The following FLVCR2 variants were observed in gnomAD, a reference collection of about 807,000 sequenced individuals.
FLVCR2 encodes FLVCR choline and putative heme transporter 2.
Under a neutral mutation model 48.9 loss-of-function variants are expected in FLVCR2, and 38 were observed. The observed-to-expected ratio is 0.78, with a 90% CI of 0.60 to 1.02. The LOEUF is 1.02. Among genes scored for constraint, FLVCR2 ranks in the 50% least tolerant of loss-of-function variants. The pLI, the probability that FLVCR2 is intolerant of heterozygous loss-of-function variation, is 0.00. For synonymous variants in FLVCR2, 255 were observed against 257.0 expected, an observed-to-expected ratio of 0.99 and a Z score of 0.07; for missense variants, 664 against 663.3, an observed-to-expected ratio of 1.00 and a Z score of -0.01.
intron 1 of FLVCR2, among the ~76,000 whole-genome samples, chr14:75,588,523 C>T (rs1216260001): frequency 2.6e-5 from 4 of 152,198 alleles, no homozygotes; most frequent in Non-Finnish European, 5.9e-5. Context: ...ATTCTAGCCA[C>T]CCAGGCTGGA....
chr14:75,619,358 C>A (rs1889703461), intron 1 of FLVCR2, among the ~76,000 whole-genome samples: 1 of 152,062 alleles, frequency 6.6e-6, no homozygotes, highest in Admixed American at 6.6e-5. Context: ...CTTACTTTCC[C>A]ATACACATTT....
At chr14:75,637,035 A>G (rs181091476) in intron 5 of FLVCR2, among the ~76,000 whole-genome samples, 2 of 152,336 alleles carry the variant, frequency 1.3e-5, no homozygotes, top group East Asian at 3.9e-4. Context: ...GCTTTGAAGC[A>G]CCAGGTGGGA....
At chr14:75,645,328 CTG>C (rs1390332295) in intron 9 of FLVCR2, among the ~76,000 whole-genome samples, 1 of 152,140 alleles carries the variant, frequency 6.6e-6, no homozygotes, top group Non-Finnish European at 1.5e-5. Flanking sequence ...GTAGTGTTGG[CTG>C]TGTGGTGCTG....
At chr14:75,636,804 A>G (rs765588077) in intron 5 of FLVCR2, among the ~76,000 whole-genome samples, 1 of 151,994 alleles carries the variant, frequency 6.6e-6, no homozygotes, top group Non-Finnish European at 1.5e-5. Flanking sequence ...GAGGTTGGAA[A>G]TTGGGTGGTG....
At chr14:75,593,555 A>G (rs1888938242) in intron 1 of FLVCR2, among the ~76,000 whole-genome samples, 1 of 152,212 alleles carries the variant, frequency 6.6e-6, no homozygotes, top group African/African-American at 2.4e-5. Flanking sequence ...GAGAGTGAGA[A>G]TCTGCTTCCA....
chr14:75,629,223 C>A (rs754835930), intron 3 of FLVCR2, among the ~76,000 whole-genome samples: 3 of 152,146 alleles, frequency 2.0e-5, no homozygotes, highest in Non-Finnish European at 4.4e-5. Flanking sequence ...AGATAAACAA[C>A]AAATACTTTT....
intron 1 of FLVCR2, among the ~76,000 whole-genome samples, chr14:75,586,813 A>G (rs1004814527): frequency 2.0e-5 from 3 of 152,044 alleles, no homozygotes; most frequent in African/African-American, 7.2e-5. Flanking sequence ...GCATTTATCT[A>G]GTTTTTGCAA....
chr14:75,624,365 GA>G (rs749179999), intron 2 of FLVCR2, among the ~76,000 whole-genome samples: 2,439 of 136,008 alleles, frequency 0.018, 29 homozygotes, highest in African/African-American at 0.04. Context: ...AAAAAATAAA[GA>G]AAAAAAAAAA....
intron 5 of FLVCR2, among the ~76,000 whole-genome samples, chr14:75,638,585 G>A (rs956978361): frequency 6.6e-6 from 1 of 152,172 alleles, no homozygotes; most frequent in African/African-American, 2.4e-5. Flanking sequence ...AAGCAGAATT[G>A]GACAGCTTCT....
intron 1 of FLVCR2, among the ~76,000 whole-genome samples, chr14:75,606,596 G>C (rs1296267725): frequency 6.6e-6 from 1 of 152,194 alleles, no homozygotes; most frequent in East Asian, 1.9e-4. Flanking sequence ...CTTCCTCAGA[G>C]TGGTGGAGAT....
intron 1 of FLVCR2, among the ~76,000 whole-genome samples, chr14:75,609,114 T>G (rs1430939648): frequency 6.6e-6 from 1 of 152,182 alleles, no homozygotes; most frequent in African/African-American, 2.4e-5. Flanking sequence ...TTTTATTTAT[T>G]GAACAAATAT....
chr14:75,641,745 G>T, intron 8 of FLVCR2, 98 bp from the exon 9 acceptor site: 1 of 1,117,208 alleles, frequency 9.0e-7, no homozygotes, highest in Non-Finnish European at 1.4e-6. Flanking sequence ...AAGTAAGTTT[G>T]GGATACCTGT....
At chr14:75,583,447 T>C (rs1352364855) in intron 1 of FLVCR2, among the ~76,000 whole-genome samples, 1 of 152,096 alleles carries the variant, frequency 6.6e-6, no homozygotes, top group African/African-American at 2.4e-5. Context: ...TAAGAGTGAT[T>C]AGATTTTAAT....
intron 2 of FLVCR2, among the ~76,000 whole-genome samples, 191 bp downstream of exon 2, chr14:75,622,411 A>G (rs2140037810): frequency 6.6e-6 from 1 of 152,320 alleles, no homozygotes; most frequent in South Asian, 2.1e-4. Context: ...AGCTGGTCCT[A>G]TGCACTTTGT....
intron 1 of FLVCR2, among the ~76,000 whole-genome samples, chr14:75,595,158 A>G (rs1047560727): frequency 6.6e-6 from 1 of 152,202 alleles, no homozygotes; most frequent in Non-Finnish European, 1.5e-5. Flanking sequence ...TATCCAAAAT[A>G]TTATTTCAAC....
chr14:75,588,576 G>A (rs565622296), intron 1 of FLVCR2, among the ~76,000 whole-genome samples: 6 of 152,266 alleles, frequency 3.9e-5, no homozygotes, highest in Admixed American at 3.3e-4. Context: ...TCCACTTCCC[G>A]ATTCAAGCAA....
chr14:75,606,958 A>AG (rs1471178198), intron 1 of FLVCR2, among the ~76,000 whole-genome samples: 1 of 151,938 alleles, frequency 6.6e-6, no homozygotes, highest in African/African-American at 2.4e-5. Flanking sequence ...AAAAAAAAAA[A>AG]GCAAATTCCT....
chr14:75,641,407 G>C (rs1248434074), intron 8 of FLVCR2, 114 bp downstream of exon 8: 1 of 747,476 alleles, frequency 1.3e-6, no homozygotes, highest in African/African-American at 1.7e-5. Flanking sequence ...GGAAGGGTTT[G>C]TTGGGGAATC....
intron 1 of FLVCR2, among the ~76,000 whole-genome samples, chr14:75,611,273 C>T (rs1450274501): frequency 6.6e-6 from 1 of 152,200 alleles, no homozygotes; most frequent in Non-Finnish European, 1.5e-5. Flanking sequence ...CAGAATGGAG[C>T]ATATGAGACT....
Sources: allele counts gnomAD v4.1 joint callset (sites outside exome capture counted in the v4.1 genomes callset), GRCh38; gene constraint gnomAD v4.1.1; transcripts MANE v1.5; gene names NCBI Gene and HGNC (gene_info 2026-07-23, HGNC 2026-07-21).